UGGT2: variants seen among roughly 807,000 people sequenced by gnomAD.
UGGT2 encodes UDP-glucose:glycoprotein glucosyltransferase 2.
A neutral mutation model predicts 192.1 loss-of-function variants in UGGT2; 180 were observed. That is an observed-to-expected ratio of 0.94 (90% CI 0.83 to 1.06). The LOEUF (loss-of-function observed/expected upper bound fraction) is 1.06, where lower values mean the gene tolerates loss of function less well. UGGT2 is among the 50% of genes least tolerant of loss of function. The pLI is 0.00. For missense variants in UGGT2, 1,849 were observed against 1,795.7 expected (o/e 1.03, Z -0.54); for synonymous variants, 580 against 591.0 (o/e 0.98, Z 0.27).
intron 1 of UGGT2, among the ~76,000 whole-genome samples, chr13:96,043,127 A>G (rs1372617997): frequency 6.6e-6 from 1 of 152,182 alleles, no homozygotes; most frequent in Non-Finnish European, 1.5e-5. Flanking sequence ...ACACCAGGTA[A>G]CTAACCTATA....
At chr13:95,996,196 T>G in intron 6 of UGGT2, 61 bp from the exon 7 acceptor site, 4 of 1,477,556 alleles carry the variant, frequency 2.7e-6, no homozygotes, top group Non-Finnish European at 3.7e-6. Flanking sequence ...GAAAAGAACA[T>G]GTAATCAAAA....
intron 17 of UGGT2, among the ~76,000 whole-genome samples, chr13:95,930,216 G>A (rs2049199920): frequency 6.6e-6 from 1 of 152,082 alleles, no homozygotes; most frequent in South Asian, 2.1e-4. Flanking sequence ...TGTATATTCT[G>A]TAGGCTGTCT....
chr13:96,011,740 G>A (rs2052168028), intron 5 of UGGT2, among the ~76,000 whole-genome samples: 1 of 152,024 alleles, frequency 6.6e-6, no homozygotes, highest in Admixed American at 6.5e-5. Context: ...TGGTACTAAG[G>A]TGACTGACAG....
At position 95,900,881 on chromosome 13, in the gene UGGT2, GA is replaced by G; in HGVS notation, c.2559del (p.Arg854GlufsTer27). ...KKYNTVGVNI[F>X]RTHQLFCQDV... Reference sequence around the variant, plus strand: ...TCTTGACAGAACAACTGGTGAGTTCGAAAAATATTCACTCCAACAGTATTAT... The same window carrying G: ...TCTTGACAGAACAACTGGTGAGTTCGAAAATATTCACTCCAACAGTATTAT... On this transcript the variant is annotated frameshift_variant, in exon 22 of 39. Coordinates refer to ENST00000376747, the MANE Select transcript of UGGT2 (RefSeq NM_020121.4). LOFTEE classifies it high-confidence loss of function. 1 of 1,610,574 alleles carries G rather than the reference GA, an allele frequency of 6.2e-7. No individual in the cohort carries two copies. The highest frequency in any genetic ancestry group is 2.2e-5 in the East Asian group (1 of 44,784).
At chr13:95,919,437 G>A (rs2048779569) in intron 20 of UGGT2, among the ~76,000 whole-genome samples, 1 of 152,158 alleles carries the variant, frequency 6.6e-6, no homozygotes, top group Admixed American at 6.5e-5. Flanking sequence ...ACATTTGTTT[G>A]CAGATAACAT....
At position 95,949,424 on chromosome 13, in the gene UGGT2, A is replaced by T. The variant is rs898445436; in HGVS notation, c.1366T>A (p.Tyr456Asn). Residue 456 changes from tyrosine (Y) to asparagine (N), a missense_variant, in exon 13 of 39, where the codon TAT becomes AAT. Transcript: ENST00000376747. The stretch of plus-strand genomic sequence containing the variant: ...TGGCAACTTGTAGGCCATGTAATAT[A>T]CAAATCATCATTTTCTAAGTCATTA... Reference protein sequence around the residue: ...WINDLENDDLYITWPTSCQKL... With the variant: ...WINDLENDDLNITWPTSCQKL... 5 of 1,556,554 alleles carry T rather than the reference A, an allele frequency of 3.2e-6. No individual in the cohort carries two copies. Among genetic ancestry groups the T allele is most frequent in the African/African-American group, 2.7e-5 (2 of 73,660 alleles).
intron 38 of UGGT2, among the ~76,000 whole-genome samples, chr13:95,832,278 T>A (rs1475573786): frequency 6.6e-6 from 1 of 151,938 alleles, no homozygotes; most frequent in African/African-American, 2.4e-5. Context: ...GAGTGAAGAA[T>A]AGGGAGACAC....
At chr13:95,826,804 GC>G (rs57620046) in intron 38 of UGGT2, among the ~76,000 whole-genome samples, 52,625 of 151,140 alleles carry the variant, frequency 0.35, 9,569 homozygotes, top group Non-Finnish European at 0.41. Context: ...ATCCCACACA[GC>G]CCCCCAAGAA....
intron 29 of UGGT2, among the ~76,000 whole-genome samples, chr13:95,872,682 C>T (rs994216458): frequency 1.3e-5 from 2 of 152,078 alleles, no homozygotes; most frequent in African/African-American, 4.8e-5. Context: ...GTTATTTCTA[C>T]TGCCAAAAGT....
At chr13:96,033,078 C>A (rs1412352171) in intron 1 of UGGT2, among the ~76,000 whole-genome samples, 1 of 152,154 alleles carries the variant, frequency 6.6e-6, no homozygotes, top group African/African-American at 2.4e-5. Context: ...AGTGTTCCAG[C>A]TAACAAGGGA....
intron 1 of UGGT2, among the ~76,000 whole-genome samples, chr13:96,044,866 A>G (rs2053262375): frequency 1.3e-5 from 2 of 152,154 alleles, no homozygotes; most frequent in African/African-American, 4.8e-5. Context: ...AAAATTGTCA[A>G]CATAAAAACG....
At chr13:95,942,310 T>C (rs1191406668) in intron 15 of UGGT2, among the ~76,000 whole-genome samples, 5 of 150,466 alleles carry the variant, frequency 3.3e-5, no homozygotes, top group Non-Finnish European at 7.4e-5. Context: ...CTTCAAATAG[T>C]GAATTATTAT....
intron 36 of UGGT2, among the ~76,000 whole-genome samples, chr13:95,842,914 T>G (rs1888017783): frequency 6.6e-6 from 1 of 152,194 alleles, no homozygotes; most frequent in South Asian, 2.1e-4. Context: ...AGAGATACAA[T>G]GAAGCAGAAC....
chr13:95,985,856 C>A (rs995463911), intron 9 of UGGT2, among the ~76,000 whole-genome samples: 2 of 152,020 alleles, frequency 1.3e-5, no homozygotes, highest in African/African-American at 4.8e-5. Flanking sequence ...AACGAGACAT[C>A]CTCTTGGCAA....
At chr13:96,015,797 A>G (rs2052318430) in intron 4 of UGGT2, among the ~76,000 whole-genome samples, 1 of 152,240 alleles carries the variant, frequency 6.6e-6, no homozygotes, top group South Asian at 2.1e-4. Context: ...ATGCAAAGAT[A>G]TATGTACAAG....
chr13:95,955,750 G>T (rs1441237296), intron 12 of UGGT2, among the ~76,000 whole-genome samples: 3 of 152,122 alleles, frequency 2.0e-5, no homozygotes, highest in Non-Finnish European at 4.4e-5. Context: ...CAGGGCTGCT[G>T]CATATTATTG....
intron 20 of UGGT2, among the ~76,000 whole-genome samples, chr13:95,915,714 T>C (rs1189387067): frequency 6.6e-6 from 1 of 152,168 alleles, no homozygotes; most frequent in African/African-American, 2.4e-5. Flanking sequence ...GCCTGCCAGC[T>C]TTGGAGAGTC....
Position 95,904,384 on chromosome 13 carries a change from A to G in UGGT2, c.2296-1324T>C, listed in dbSNP as rs932725569. Among the ~76,000 whole-genome samples the G allele has an allele frequency of 4.6e-4, 70 of 150,898 alleles. 1 individual carries two copies. The highest frequency in any genetic ancestry group is 1.4e-3 in the African/African-American group (57 of 40,974). ...ATGTATACATGTGCCATGCTGGTGCACTGCACCCATTAACTCGTCATCTAG... is the reference window on the plus strand; with the variant it reads ...ATGTATACATGTGCCATGCTGGTGCGCTGCACCCATTAACTCGTCATCTAG... On this transcript the variant is annotated intron_variant, in intron 20 of 38. Coordinates refer to ENST00000376747, the MANE Select transcript of UGGT2 (RefSeq NM_020121.4).
intron 20 of UGGT2, among the ~76,000 whole-genome samples, chr13:95,919,269 G>A (rs1428261986): frequency 1.3e-5 from 2 of 152,066 alleles, no homozygotes; most frequent in South Asian, 4.2e-4. Context: ...CATACTGAAT[G>A]GGCAAAAGCT....
Sources: gnomAD v4.1 joint callset for allele counts (sites outside exome capture counted in the v4.1 genomes callset) on GRCh38, gnomAD v4.1.1 for gene constraint, MANE v1.5 for transcripts, NCBI Gene and HGNC (gene_info 2026-07-23, HGNC 2026-07-21) for gene names.